THSD4: variants seen among roughly 807,000 people sequenced by gnomAD.
The protein encoded by THSD4 is thrombospondin type 1 domain containing 4.
A neutral mutation model predicts 119.0 loss-of-function variants in THSD4; 69 were observed. That is an observed-to-expected ratio of 0.58 (90% CI 0.48 to 0.71). The LOEUF (loss-of-function observed/expected upper bound fraction) is 0.71, where lower values mean the gene tolerates loss of function less well. Ranked by LOEUF, THSD4 falls within the 30% of genes least tolerant of loss-of-function variation. The pLI is 0.00. For missense variants in THSD4, 1,393 were observed against 1,391.1 expected (o/e 1.00, Z -0.02); for synonymous variants, 524 against 540.4 (o/e 0.97, Z 0.42).
rs112390962 is a variant in THSD4, at chr15:71,491,376, G to C, written c.1152+79553G>C. The stretch of plus-strand genomic sequence containing the variant: ...GGTATTTGAGAGGTGGTACCTCTGG[G>C]AGATAATTAGGATTAGCTCAGGTCA... On this transcript the variant is annotated intron_variant, in intron 7 of 17. Transcript: ENST00000261862. Among the ~76,000 whole-genome samples the C allele has an allele frequency of 4.6e-5, 7 of 152,216 alleles. 1 individual carries two copies. The highest frequency in any genetic ancestry group is 3.3e-4 in the Admixed American group (5 of 15,292).
intron 7 of THSD4, among the ~76,000 whole-genome samples, chr15:71,431,390 T>C (rs1327640060): frequency 6.6e-6 from 1 of 152,182 alleles, no homozygotes; most frequent in Admixed American, 6.5e-5. Flanking sequence ...GTCAGAAGCT[T>C]TTTATTTTTT....
At chr15:71,321,012 C>A (rs1388978860) in intron 6 of THSD4, among the ~76,000 whole-genome samples, 1 of 152,092 alleles carries the variant, frequency 6.6e-6, no homozygotes, top group African/African-American at 2.4e-5. Flanking sequence ...TGAAAATAAA[C>A]GTTAAAACAT....
At chr15:71,442,660 G>GTGTATGTATATA in intron 7 of THSD4, among the ~76,000 whole-genome samples, 2 of 25,818 alleles carry the variant, frequency 7.7e-5, no homozygotes, top group African/African-American at 1.1e-4. Flanking sequence ...GTGTGTGTGT[G>GTGTATGTATATA]TATATATATA....
intron 7 of THSD4, among the ~76,000 whole-genome samples, chr15:71,625,166 C>T (rs924667705): frequency 2.6e-5 from 4 of 152,132 alleles, no homozygotes; most frequent in African/African-American, 7.2e-5. Context: ...ACTACCACCC[C>T]CCGGCTAATT....
At chr15:71,759,350 G>T (rs58098791) in intron 15 of THSD4, among the ~76,000 whole-genome samples, 112,343 of 152,124 alleles carry the variant, frequency 0.74, 46,713 homozygotes, top group Non-Finnish European at 0.94. Flanking sequence ...GACTTCTCAT[G>T]AGTTTTCTGG....
chr15:71,507,179 G>C (rs1328478190), intron 7 of THSD4, among the ~76,000 whole-genome samples: 1 of 152,176 alleles, frequency 6.6e-6, no homozygotes, highest in Non-Finnish European at 1.5e-5. Context: ...CTGTACACCT[G>C]TAATGGCTAC....
At chr15:71,098,297 G>A (rs544772124) in intron 1 of THSD4, among the ~76,000 whole-genome samples, 1 of 150,412 alleles carries the variant, frequency 6.6e-6, no homozygotes, top group South Asian at 2.1e-4. Flanking sequence ...CTGGGCTCAG[G>A]TGATCTTCCC....
intron 12 of THSD4, among the ~76,000 whole-genome samples, chr15:71,745,972 G>A (rs2053329293): frequency 6.6e-6 from 1 of 152,104 alleles, no homozygotes; most frequent in South Asian, 2.1e-4. Context: ...TGATAAATGG[G>A]ACACTTGAAG....
rs36141571 is a variant in THSD4, at chr15:71,394,078, A to ATTTTTT, written c.1016-17601_1016-17596dup. ...TAAATGTGAATATCAGATACACAATATTTTTTTTTTTTTACCATATTTAGT... is the reference window on the plus strand; with the variant it reads ...TAAATGTGAATATCAGATACACAATATTTTTTTTTTTTTTTTTTTACCATATTTAGT... On this transcript the variant is annotated intron_variant, in intron 6 of 17. Transcript: ENST00000261862. 8.8e-5 allele frequency among the ~76,000 whole-genome samples: 13 copies of ATTTTTT among 148,056 alleles called. 1 individual carries two copies. Among genetic ancestry groups the ATTTTTT allele is most frequent in the Non-Finnish European group, 1.6e-4 (11 of 67,142 alleles).
intron 1 of THSD4, among the ~76,000 whole-genome samples, chr15:71,136,898 C>T (rs1034416707): frequency 4.6e-5 from 7 of 152,142 alleles, no homozygotes; most frequent in African/African-American, 1.2e-4. Context: ...GGCATCCCTT[C>T]GGCTCAGGGA....
intron 6 of THSD4, among the ~76,000 whole-genome samples, chr15:71,366,353 C>A (rs1437492094): frequency 1.3e-5 from 2 of 152,138 alleles, no homozygotes; most frequent in East Asian, 3.9e-4. Context: ...GGAAACAGCT[C>A]CCGGCTGTCC....
At chr15:71,715,795 A>G (rs1424085593) in intron 8 of THSD4, among the ~76,000 whole-genome samples, 1 of 145,834 alleles carries the variant, frequency 6.9e-6, no homozygotes, top group Admixed American at 6.8e-5. Context: ...TTTTTCCTCT[A>G]TTTAGGATAG....
intron 7 of THSD4, among the ~76,000 whole-genome samples, chr15:71,635,832 T>C (rs1041964680): frequency 1.2e-4 from 19 of 152,250 alleles, no homozygotes; most frequent in African/African-American, 4.3e-4. Flanking sequence ...TGCATTTTCA[T>C]AAATTATCTT....
chr15:71,490,001 C>G (rs190590304), intron 7 of THSD4, among the ~76,000 whole-genome samples: 283 of 152,326 alleles, frequency 1.9e-3, no homozygotes, highest in African/African-American at 6.3e-3. Flanking sequence ...TGAGATCACT[C>G]TAAACCTACA....
chr15:71,406,578 A>G (rs1053797509), intron 6 of THSD4, among the ~76,000 whole-genome samples: 3 of 152,076 alleles, frequency 2.0e-5, no homozygotes, highest in Admixed American at 1.3e-4. Context: ...AAAGTGGGAT[A>G]TCAAAGTTTG....
intron 14 of THSD4, among the ~76,000 whole-genome samples, chr15:71,755,523 A>G (rs1344354719): frequency 3.9e-5 from 6 of 152,128 alleles, no homozygotes; most frequent in Non-Finnish European, 5.9e-5. Context: ...GGCTTTGGTC[A>G]TGTGCTAAAG....
intron 6 of THSD4, among the ~76,000 whole-genome samples, chr15:71,265,533 G>C (rs900480887): frequency 1.3e-5 from 2 of 152,136 alleles, no homozygotes; most frequent in South Asian, 4.1e-4. Context: ...GTGGTCATTT[G>C]GGCAGACACC....
At chr15:71,319,916 A>C (rs955929573) in intron 6 of THSD4, among the ~76,000 whole-genome samples, 2 of 152,204 alleles carry the variant, frequency 1.3e-5, no homozygotes, top group Non-Finnish European at 2.9e-5. Flanking sequence ...GAGTTCTCAG[A>C]GCTCTTACTG....
intron 6 of THSD4, among the ~76,000 whole-genome samples, chr15:71,274,663 G>A (rs1026508658): frequency 1.1e-4 from 17 of 152,152 alleles, no homozygotes; most frequent in Admixed American, 1.3e-4. Flanking sequence ...TAGCTAAAGA[G>A]GAAGGAGAAT....
Sources: allele counts gnomAD v4.1 joint callset (sites outside exome capture counted in the v4.1 genomes callset), GRCh38; gene constraint gnomAD v4.1.1; transcripts MANE v1.5; gene names NCBI Gene and HGNC (gene_info 2026-07-23, HGNC 2026-07-21).